SOHLH2: variants seen among roughly 807,000 people sequenced by gnomAD.
SOHLH2 encodes the protein spermatogenesis- and oogenesis-specific basic helix-loop-helix-containing protein 2.
Under a neutral mutation model 50.4 loss-of-function variants are expected in SOHLH2, and 22 were observed. The ratio of observed to expected loss-of-function variants is 0.44; its 90% CI spans 0.31 to 0.62. SOHLH2 has a LOEUF of 0.62. Among genes scored for constraint, SOHLH2 ranks in the 20% least tolerant of loss-of-function variants. SOHLH2 has a pLI of 0.08. For synonymous variants in SOHLH2, 185 were observed against 187.3 expected, an observed-to-expected ratio of 0.99 and a Z score of 0.10; for missense variants, 412 against 504.4, an observed-to-expected ratio of 0.82 and a Z score of 1.76.
chr13:36,171,601 A>G (rs1886962837), intron 9 of SOHLH2, among the ~76,000 whole-genome samples: 1 of 152,164 alleles, frequency 6.6e-6, no homozygotes, highest in South Asian at 2.1e-4. Flanking sequence ...TCTGTTCTCT[A>G]AGTCACCCAT....
At chr13:36,173,015 G>A (rs577495206) in intron 9 of SOHLH2, among the ~76,000 whole-genome samples, 116 of 116,712 alleles carry the variant, frequency 9.9e-4, no homozygotes, top group African/African-American at 2.6e-3. Context: ...TCAGGTACAC[G>A]GGCATGTCTA....
Position 36,173,802 on chromosome 13 carries a change from C to T in SOHLH2, c.890G>A (p.Ser297Asn). 2.5e-6 allele frequency: 4 copies of T among 1,613,970 alleles called. No individual in the cohort carries two copies. The highest frequency in any genetic ancestry group is 3.4e-6 in the Non-Finnish European group (4 of 1,179,954). The change falls in exon 9 of 11, where the codon AGT becomes AAT. Residue 297 changes from serine to asparagine, a missense_variant. Physicochemically the swap from Ser to Asn is conservative, Grantham distance 46. Coordinates refer to ENST00000379881, the MANE Select transcript of SOHLH2 (RefSeq NM_017826.3). ...CTCAGGGGAGTAAGTGCTCATCACA[C>T]TGTTTTCCCTTGAAAGGACAGAAAA... ...PGTVMAQREN[S>N]VMSTYSPERG...
intron 8 of SOHLH2, 24 bp from the exon 9 acceptor site, chr13:36,173,834 T>C (rs767273907): frequency 1.2e-6 from 2 of 1,613,140 alleles, no homozygotes; most frequent in Non-Finnish European, 1.7e-6. Context: ...AAAAAATTAT[T>C]TGCACATTTT....
chr13:36,173,863 A>C, intron 8 of SOHLH2, 53 bp from the exon 9 acceptor site: 1 of 1,599,170 alleles, frequency 6.3e-7, no homozygotes, highest in Non-Finnish European at 8.5e-7. Flanking sequence ...AACAATGTGG[A>C]CACTGCTGAG....
chr13:36,170,484 C>A, intron 10 of SOHLH2, 47 bp downstream of exon 10: 2 of 1,581,928 alleles, frequency 1.3e-6, no homozygotes, highest in Admixed American at 1.8e-5. Flanking sequence ...TTTCTGCTGG[C>A]TGGAGTGAAA....
intron 10 of SOHLH2, 62 bp from the exon 11 acceptor site, chr13:36,169,116 C>T (rs1886894933): frequency 6.4e-7 from 1 of 1,558,604 alleles, no homozygotes; most frequent in Non-Finnish European, 8.6e-7. Flanking sequence ...CTCATAATGT[C>T]ATGATTGTAT....
At chr13:36,196,650 T>C (rs1403415063) in intron 2 of SOHLH2, among the ~76,000 whole-genome samples, 1 of 152,242 alleles carries the variant, frequency 6.6e-6, no homozygotes, top group Non-Finnish European at 1.5e-5. Context: ...AAACAGGTTG[T>C]TTGCTTTTAG....
At chr13:36,214,370 CG>C in intron 1 of SOHLH2, 108 bp downstream of exon 1, 1 of 1,355,316 alleles carries the variant, frequency 7.4e-7, no homozygotes, top group Non-Finnish European at 1.0e-6. Context: ...CACAGTTCCC[CG>C]ACAATGAGAG....
chr13:36,184,304 C>T (rs1056204540), intron 6 of SOHLH2, among the ~76,000 whole-genome samples: 1 of 151,896 alleles, frequency 6.6e-6, no homozygotes, highest in African/African-American at 2.4e-5. Context: ...ATATTTTGAA[C>T]TGAATGATAG....
rs1887581149 is a variant in SOHLH2 at position 36,191,790 on chromosome 13, C to G, written c.530+5G>C. 6.2e-7 allele frequency: 1 copy of G among 1,613,026 alleles called. No individual in the cohort carries two copies. Among genetic ancestry groups the G allele is most frequent in the Non-Finnish European group, 8.5e-7 (1 of 1,179,630 alleles). On this transcript the variant is annotated splice_donor_5th_base_variant and intron_variant, in intron 5 of 10. Transcript: ENST00000379881. ...TGCTATTATGAAAAAGAACAAAAAA[C>G]TAACCAGGCAAATAGATCAGTAGGA...
rs774539347 is a variant in SOHLH2, at chr13:36,173,644, G to A, written c.1000+48C>T. The A allele has an allele frequency of 1.9e-6, 3 of 1,607,098 alleles. No homozygotes were observed. The East Asian group carries it at 6.7e-5, about 36-fold the overall frequency. On this transcript the variant is annotated intron_variant, in intron 9 of 10. Coordinates refer to ENST00000379881, the MANE Select transcript of SOHLH2 (RefSeq NM_017826.3). ...GCACAGGAGCCTGGGGGTTTGCAGG[G>A]CAGGGCAGGTCCCCCTCTAAGTGGC...
chr13:36,214,424 AGGG>A, intron 1 of SOHLH2, 52 bp downstream of exon 1: 1 of 1,585,970 alleles, frequency 6.3e-7, no homozygotes, highest in African/African-American at 1.3e-5. Context: ...CCACCGACCT[AGGG>A]CCCGCCCGCG....
intron 1 of SOHLH2, among the ~76,000 whole-genome samples, chr13:36,209,000 C>T (rs1179198425): frequency 1.3e-5 from 2 of 152,166 alleles, no homozygotes; most frequent in African/African-American, 4.8e-5. Flanking sequence ...ATATCTTATT[C>T]ATCCTACTTG....
At chr13:36,206,076 T>G (rs1868743811) in intron 1 of SOHLH2, among the ~76,000 whole-genome samples, 1 of 152,048 alleles carries the variant, frequency 6.6e-6, no homozygotes, top group African/African-American at 2.4e-5. Context: ...TTTCTGGTAA[T>G]GCTTTATTGA....
chr13:36,207,319 T>G (rs914644683), intron 1 of SOHLH2, among the ~76,000 whole-genome samples: 3 of 152,122 alleles, frequency 2.0e-5, no homozygotes, highest in Non-Finnish European at 4.4e-5. Flanking sequence ...AATTTTTTTT[T>G]TCCATAGCTA....
intron 4 of SOHLH2, among the ~76,000 whole-genome samples, chr13:36,192,422 A>C (rs1220441139): frequency 6.6e-6 from 1 of 152,184 alleles, no homozygotes; most frequent in Non-Finnish European, 1.5e-5. Context: ...AAGAGGTTGC[A>C]AAAGCCCTCG....
chr13:36,175,388 T>G (rs1384734966), intron 6 of SOHLH2, among the ~76,000 whole-genome samples: 1 of 152,218 alleles, frequency 6.6e-6, no homozygotes, highest in South Asian at 2.1e-4. Flanking sequence ...CATGACTTCA[T>G]GGCCTGAGCA....
At chr13:36,175,013 TC>T in intron 6 of SOHLH2, 144 bp from the exon 7 acceptor site, 2 of 1,255,010 alleles carry the variant, frequency 1.6e-6, no homozygotes, top group South Asian at 1.9e-5. Context: ...AAAGGCTGTG[TC>T]CCCACAAGCC....
At chr13:36,194,668 G>A (rs1166509850) in intron 2 of SOHLH2, among the ~76,000 whole-genome samples, 2 of 152,156 alleles carry the variant, frequency 1.3e-5, no homozygotes, top group Non-Finnish European at 2.9e-5. Context: ...AGTAAGTCTG[G>A]AATTCGATAA....
Sources: gnomAD v4.1 joint callset for allele counts (sites outside exome capture counted in the v4.1 genomes callset) on GRCh38, gnomAD v4.1.1 for gene constraint, MANE v1.5 for transcripts, NCBI Gene and HGNC (gene_info 2026-07-23, HGNC 2026-07-21) for gene names.